The following SLC39A6 variants were observed in gnomAD, a reference collection of about 807,000 sequenced individuals.
The protein encoded by SLC39A6 is solute carrier family 39 member 6, also known as zinc transporter ZIP6.
Under a neutral mutation model 63.5 loss-of-function variants are expected in SLC39A6, and 51 were observed. That is an observed-to-expected ratio of 0.80 (90% CI 0.64 to 1.01). SLC39A6 has a LOEUF of 1.01. Among genes scored for constraint, SLC39A6 ranks in the 50% least tolerant of loss-of-function variants. The probability of loss-of-function intolerance (pLI) is 0.00; values close to 1 mark genes in which losing one functional copy is unlikely to be tolerated. For synonymous variants in SLC39A6, 318 were observed against 324.7 expected (o/e 0.98, Z 0.22); for missense variants, 805 against 927.8 (o/e 0.87, Z 1.72).
chr18:36,118,833 T>C (rs2144505166), intron 5 of SLC39A6, among the ~76,000 whole-genome samples: 1 of 152,268 alleles, frequency 6.6e-6, no homozygotes, highest in South Asian at 2.1e-4. Context: ...GACAGGCTCC[T>C]ATTAGGAGGC....
chr18:36,113,521 T>C (rs1567957235), intron 7 of SLC39A6, among the ~76,000 whole-genome samples: 1 of 152,196 alleles, frequency 6.6e-6, no homozygotes, highest in Non-Finnish European at 1.5e-5. Context: ...CACAGCCTCC[T>C]TGGACAAGTG....
At chr18:36,116,250 GTATT>G (rs2089344472) in intron 6 of SLC39A6, among the ~76,000 whole-genome samples, 1 of 152,146 alleles carries the variant, frequency 6.6e-6, no homozygotes, top group Admixed American at 6.5e-5. Context: ...GGAAACATAA[GTATT>G]TAGGAGTAAA....
At chr18:36,121,698 T>C (rs1268528458) in intron 5 of SLC39A6, among the ~76,000 whole-genome samples, 1 of 152,156 alleles carries the variant, frequency 6.6e-6, no homozygotes, top group East Asian at 1.9e-4. Context: ...TTAATGACAT[T>C]AGTTAATCGT....
intron 5 of SLC39A6, among the ~76,000 whole-genome samples, chr18:36,118,408 A>C (rs938713425): frequency 1.3e-5 from 2 of 152,240 alleles, no homozygotes; most frequent in African/African-American, 4.8e-5. Context: ...ACAGAGTGCT[A>C]TTAAGAATGT....
At chr18:36,127,511 A>T (rs1375855338) in intron 1 of SLC39A6, among the ~76,000 whole-genome samples, 1 of 152,130 alleles carries the variant, frequency 6.6e-6, no homozygotes, top group Non-Finnish European at 1.5e-5. Flanking sequence ...CTGTCTCAAA[A>T]AAAAAAAAGA....
chr18:36,119,114 C>T (rs1420578427), intron 5 of SLC39A6, among the ~76,000 whole-genome samples: 1 of 152,142 alleles, frequency 6.6e-6, no homozygotes, highest in African/African-American at 2.4e-5. Flanking sequence ...AAGAAAAATC[C>T]TAAGTAAAAT....
intron 5 of SLC39A6, among the ~76,000 whole-genome samples, chr18:36,117,578 T>C (rs1390859686): frequency 6.6e-6 from 1 of 152,172 alleles, no homozygotes; most frequent in Non-Finnish European, 1.5e-5. Context: ...CTGTGTATCA[T>C]CTACTTATAC....
At chr18:36,120,579 T>G (rs892506120) in intron 5 of SLC39A6, among the ~76,000 whole-genome samples, 27 of 152,232 alleles carry the variant, frequency 1.8e-4, no homozygotes, top group Non-Finnish European at 3.2e-4. Context: ...TGAAACCTCT[T>G]CACGCCAGTT....
chr18:36,109,772 G>C, intron 9 of SLC39A6, 27 bp from the exon 10 acceptor site: 1 of 1,583,050 alleles, frequency 6.3e-7, no homozygotes, highest in Non-Finnish European at 8.6e-7. Flanking sequence ...GGGAAAATAA[G>C]AGTGACATTT....
At chr18:36,128,797 G>A (rs1032381150) in intron 1 of SLC39A6, among the ~76,000 whole-genome samples, 2 of 152,248 alleles carry the variant, frequency 1.3e-5, no homozygotes, top group African/African-American at 4.8e-5. Context: ...CGGAAAAGAG[G>A]GCACAAAGCT....
At chr18:36,118,284 C>T (rs1250369194) in intron 5 of SLC39A6, among the ~76,000 whole-genome samples, 1 of 152,154 alleles carries the variant, frequency 6.6e-6, no homozygotes, top group Non-Finnish European at 1.5e-5. Context: ...ATAAAATAAG[C>T]CCCACAGTCT....
chr18:36,118,587 A>G (rs1202251509), intron 5 of SLC39A6, among the ~76,000 whole-genome samples: 1 of 152,102 alleles, frequency 6.6e-6, no homozygotes, highest in African/African-American at 2.4e-5. Flanking sequence ...AAGAAGTACA[A>G]GGTGGCCGGG....
In SLC39A6 at chr18:36,129,327, G is replaced by A. The variant is rs2089500558; in HGVS notation, c.-223C>T. The A allele has an allele frequency of 6.2e-6, 1 of 161,894 alleles. No individual in the cohort carries two copies. The highest frequency in any genetic ancestry group is 1.5e-4 in the South Asian group (1 of 6,548). The allele number at this position is 161,894 out of a possible 1,614,324, so 10.0% of individuals were successfully genotyped here. ...CCGCGCCCCTAGCCTTCGCGAAGCTGGAAGACAATCACTAATTACCGCCGC... is the reference window on the plus strand; with the variant it reads ...CCGCGCCCCTAGCCTTCGCGAAGCTAGAAGACAATCACTAATTACCGCCGC... On this transcript the variant is annotated 5_prime_UTR_variant, in exon 1 of 10. Coordinates refer to ENST00000269187, the MANE Select transcript of SLC39A6 (RefSeq NM_012319.4).
Position 36,126,354 on chromosome 18 carries a change from T to C in SLC39A6, c.654A>G (p.Val218=), listed in dbSNP as rs1343879116. 3 of 1,614,270 alleles carry C rather than the reference T, an allele frequency of 1.9e-6. No individual in the cohort carries two copies. Among genetic ancestry groups the C allele is most frequent in the Non-Finnish European group, 2.5e-6 (3 of 1,180,056 alleles). The change falls in exon 2 of 10, where the codon GTA becomes GTG. Residue 218 remains valine (V), a synonymous_variant. Transcript: ENST00000269187. ...PRPGKLFPKD[V]SSSTPPSVTS... ...TGACACTGGGTGGAGTGGAGCTGCT[T>C]ACATCTTTGGGGAAGAGTTTTCCAG...
intron 5 of SLC39A6, among the ~76,000 whole-genome samples, chr18:36,120,897 T>A (rs1394586293): frequency 1.3e-5 from 2 of 151,796 alleles, no homozygotes; most frequent in Non-Finnish European, 2.9e-5. Context: ...CTGAATAAAT[T>A]TTTTTTTTAA....
In SLC39A6 at chr18:36,114,391, C is replaced by T; in HGVS notation, c.1549G>A (p.Val517Ile). Residue 517 changes from valine (V) to isoleucine (I), a missense_variant, in exon 7 of 10, where the codon GTC becomes ATC. Coordinates refer to ENST00000269187, the MANE Select transcript of SLC39A6 (RefSeq NM_012319.4). ...TGTGGATGAGCATGAGCTATCATGA[C>T]CTCTTCTTCTTCCAAGACTGCAGGC... ...QQPAVLEEEE[V>I]MIAHAHPQEV... 1 of 1,614,204 alleles carries T rather than the reference C, an allele frequency of 6.2e-7. No individual in the cohort carries two copies. Among genetic ancestry groups the T allele is most frequent in the East Asian group, 2.2e-5 (1 of 44,892 alleles).
In SLC39A6 at chr18:36,109,484, C is replaced by G; in HGVS notation, c.*109G>C. 2 of 795,418 alleles carry G rather than the reference C, an allele frequency of 2.5e-6. No homozygotes were observed. The highest frequency in any genetic ancestry group is 2.4e-5 in the South Asian group (1 of 41,300). The allele number at this position is 795,418 out of a possible 1,614,324, so 49.3% of individuals were successfully genotyped here. A position where few individuals can be genotyped will look rare whatever the true frequency, so the allele number is the denominator to read the frequency against. Reference sequence around the variant, plus strand: ...ACAGCAATATTCAATACAAAAATCACAAAACCCACTAACTTTAAACGCTGC... The same window carrying G: ...ACAGCAATATTCAATACAAAAATCAGAAAACCCACTAACTTTAAACGCTGC... On this transcript the variant is annotated 3_prime_UTR_variant, in exon 10 of 10. Coordinates refer to ENST00000269187, the MANE Select transcript of SLC39A6 (RefSeq NM_012319.4).
At position 36,109,706 on chromosome 18, in the gene SLC39A6, A is replaced by T; in HGVS notation, c.2155T>A (p.Cys719Ser). ...MLHNDASDHG[C>S]SRWGYFFLQN... ...AAAAAGAAATACCCCCAGCGGCTAC[A>T]TCCATGGTCACTAGCATCATTGTGC... The change falls in exon 10 of 10, where the codon TGT becomes AGT. Residue 719 changes from cysteine (C) to serine (S), a missense_variant. Physicochemically the swap from Cys to Ser is moderately radical, Grantham distance 112. Transcript: ENST00000269187. 6.2e-7 allele frequency: 1 copy of T among 1,613,126 alleles called. No individual in the cohort carries two copies. Among genetic ancestry groups the T allele is most frequent in the Middle Eastern group, 1.7e-4 (1 of 6,056 alleles).
At chr18:36,117,298 C>T (rs531908200) in intron 5 of SLC39A6, among the ~76,000 whole-genome samples, 31 of 152,280 alleles carry the variant, frequency 2.0e-4, no homozygotes, top group African/African-American at 7.2e-4. Context: ...ATCTGGTAAC[C>T]ACCTGCCTGG....
Sources: allele counts gnomAD v4.1 joint callset (sites outside exome capture counted in the v4.1 genomes callset), GRCh38; gene constraint gnomAD v4.1.1; transcripts MANE v1.5; gene names NCBI Gene and HGNC (gene_info 2026-07-23, HGNC 2026-07-21).